The following PUDP variants were observed in gnomAD, a reference collection of about 807,000 sequenced individuals.
The protein encoded by PUDP is pseudouridine 5'-phosphatase.
In PUDP, 8 loss-of-function variants were observed where a neutral mutation model predicts 9.4. That is an observed-to-expected ratio of 0.85 (90% CI 0.50 to 1.53). The LOEUF (loss-of-function observed/expected upper bound fraction) is 1.53. Ranked by LOEUF, PUDP falls within the 40% of genes most tolerant of loss-of-function variation. PUDP has a pLI of 0.00. For missense variants in PUDP, 188 were observed against 189.7 expected, an observed-to-expected ratio of 0.99 and a Z score of 0.05; for synonymous variants, 99 against 80.7, an observed-to-expected ratio of 1.23 and a Z score of -1.22.
intron 3 of PUDP, among the ~76,000 whole-genome samples, chrX:6,907,468 T>G (rs1459957488): frequency 8.9e-6 from 1 of 111,975 alleles, no homozygotes; most frequent in Non-Finnish European, 1.9e-5. Flanking sequence ...TCCATCATTC[T>G]CTATCCCTTA....
chrX:6,822,528 G>T (rs967413799), intron 3 of PUDP, among the ~76,000 whole-genome samples: 1 of 111,809 alleles, frequency 8.9e-6, no homozygotes, highest in East Asian at 2.8e-4. Context: ...CCGGGTTCAA[G>T]CTATTCTTCT....
chrX:7,145,262 T>A (rs1319705248), intron 1 of PUDP, among the ~76,000 whole-genome samples: 1 of 112,241 alleles, frequency 8.9e-6, no homozygotes, highest in Non-Finnish European at 1.9e-5. Flanking sequence ...TCTGTATCTT[T>A]TTACTTATTA....
chrX:6,755,065 C>G lies in PUDP; in HGVS notation c.*248-48599G>C, dbSNP rs922241012. Among the ~76,000 whole-genome samples, 39 of 111,667 alleles carry G rather than the reference C, an allele frequency of 3.5e-4. No individual in the cohort carries two copies. In the Admixed American group the frequency reaches 3.5e-3, roughly 10 times the overall value. ...TGTCCCTAAGCACAAGCAGGGACATCTGATGTCCCTTCTGGAGATAATATG... is the reference window on the plus strand; with the variant it reads ...TGTCCCTAAGCACAAGCAGGGACATGTGATGTCCCTTCTGGAGATAATATG... On this transcript the variant is annotated intron_variant and NMD_transcript_variant, in intron 3 of 3. Coordinates refer to the PUDP transcript ENST00000655425.
chrX:7,081,916 C>G (rs1011579899), intron 2 of PUDP, among the ~76,000 whole-genome samples: 14 of 112,919 alleles, frequency 1.2e-4, no homozygotes, highest in African/African-American at 4.5e-4. Flanking sequence ...TCCTAATCAC[C>G]TGATTCAAAA....
chrX:7,129,121 G>A (rs1460230053), intron 1 of PUDP, among the ~76,000 whole-genome samples: 1 of 111,963 alleles, frequency 8.9e-6, no homozygotes, highest in Admixed American at 9.5e-5. Context: ...AACATAATTA[G>A]AGAATGCAAG....
intron 1 of PUDP, among the ~76,000 whole-genome samples, chrX:7,126,644 C>T (rs1437624490): frequency 6.3e-5 from 7 of 110,620 alleles, no homozygotes; most frequent in Admixed American, 3.9e-4. Context: ...GTGTCCTAAT[C>T]GCCTCTTATA....
At chrX:7,101,781 A>T (rs1431660533) in intron 2 of PUDP, among the ~76,000 whole-genome samples, 1 of 111,679 alleles carries the variant, frequency 9.0e-6, no homozygotes, top group African/African-American at 3.3e-5. Flanking sequence ...TTAACTAAAA[A>T]AACAAAAAAC....
rs201388017 is a variant in PUDP at position 7,050,371 on chromosome X, T to C, written c.612A>G (p.Thr204=). Residue 204 remains threonine, a synonymous_variant, in exon 4 of 4, where the codon ACA becomes ACG. Transcript: ENST00000381077. The part of the protein sequence containing the change: ...VPDGNLSRDL[T]TKATLVLNSL... ...AATTCAGCACCAGGGTGGCCTTTGT[T>C]GTCAGATCTCGGCTCAAGTTTCCGT... The C allele has an allele frequency of 5.0e-6, 6 of 1,209,953 alleles. No homozygotes were observed. In the African/African-American group the frequency reaches 1.0e-4, roughly 21 times the overall value.
chrX:7,135,768 G>A (rs1932727575), intron 1 of PUDP, among the ~76,000 whole-genome samples: 1 of 111,317 alleles, frequency 9.0e-6, no homozygotes, highest in African/African-American at 3.3e-5. Flanking sequence ...GTATACAGAA[G>A]AGTCAATAGT....
chrX:6,849,913 C>G (rs1463300813), intron 3 of PUDP, among the ~76,000 whole-genome samples: 1 of 112,252 alleles, frequency 8.9e-6, no homozygotes, highest in African/African-American at 3.2e-5. Context: ...CAGTACTACA[C>G]ATTCCCAAAC....
At chrX:7,059,566 C>T (rs1265946332) in intron 3 of PUDP, among the ~76,000 whole-genome samples, 1 of 111,940 alleles carries the variant, frequency 8.9e-6, no homozygotes, top group Non-Finnish European at 1.9e-5. Flanking sequence ...TTTAGAGGGA[C>T]ATTATGACTT....
chrX:6,910,952 A>G (rs1418403280), intron 3 of PUDP, among the ~76,000 whole-genome samples: 1 of 111,604 alleles, frequency 9.0e-6, no homozygotes, highest in Non-Finnish European at 1.9e-5. Flanking sequence ...AGCCTCTTTT[A>G]TAATCTCATT....
chrX:6,744,201 T>A (rs1442702692), intron 3 of PUDP, among the ~76,000 whole-genome samples: 5 of 112,368 alleles, frequency 4.4e-5, no homozygotes, highest in African/African-American at 1.6e-4. Flanking sequence ...TCCTAAAAAG[T>A]GTTTTCTACT....
chrX:6,813,805 A>C (rs1765131232), intron 3 of PUDP, among the ~76,000 whole-genome samples: 2 of 111,498 alleles, frequency 1.8e-5, no homozygotes, highest in Admixed American at 1.9e-4. Flanking sequence ...ACTTGTCAGG[A>C]GATTCATGAC....
At chrX:6,805,269 C>T (rs777780422) in intron 3 of PUDP, among the ~76,000 whole-genome samples, 1 of 110,114 alleles carries the variant, frequency 9.1e-6, no homozygotes, top group East Asian at 2.9e-4. Flanking sequence ...GACCCTGTCT[C>T]TTAAAAAAAT....
intron 1 of PUDP, among the ~76,000 whole-genome samples, chrX:7,106,185 C>A (rs1931877954): frequency 8.9e-6 from 1 of 112,813 alleles, no homozygotes. Context: ...GGCATCATTA[C>A]TCGGTGTTCC....
chrX:7,142,641 A>G (rs1191427456), intron 1 of PUDP, among the ~76,000 whole-genome samples: 3 of 80,956 alleles, frequency 3.7e-5, no homozygotes, highest in African/African-American at 1.5e-4. Context: ...GAGGACTCCA[A>G]TTTTTTTTTT....
chrX:7,121,278 C>G (rs1340502044), intron 1 of PUDP, among the ~76,000 whole-genome samples: 1 of 111,966 alleles, frequency 8.9e-6, no homozygotes, highest in Non-Finnish European at 1.9e-5. Context: ...GTGAGGAAAT[C>G]TTCCTGGGAC....
At chrX:7,036,497 T>C (rs1929854144) in intron 1 of PUDP, among the ~76,000 whole-genome samples, 1 of 111,675 alleles carries the variant, frequency 9.0e-6, no homozygotes, top group South Asian at 3.8e-4. Context: ...AGGCATTTAG[T>C]GTTATAGATA....
Sources: allele counts gnomAD v4.1 joint callset (sites outside exome capture counted in the v4.1 genomes callset), GRCh38; gene constraint gnomAD v4.1.1; transcripts MANE v1.5; gene names NCBI Gene and HGNC (gene_info 2026-07-23, HGNC 2026-07-21).